LUZP2: variants seen among roughly 807,000 people sequenced by gnomAD.
LUZP2 encodes leucine zipper protein 2.
A neutral mutation model predicts 51.6 loss-of-function variants in LUZP2; 52 were observed. The observed-to-expected ratio is 1.01, with a 90% CI of 0.81 to 1.27. LUZP2 has a LOEUF of 1.27. LUZP2 is among the 50% of genes most tolerant of loss of function. The probability of loss-of-function intolerance (pLI) is 0.00; values close to 1 mark genes in which losing one functional copy is unlikely to be tolerated. For synonymous variants in LUZP2, 154 were observed against 137.3 expected (o/e 1.12, Z -0.85); for missense variants, 436 against 395.4 (o/e 1.10, Z -0.87).
intron 7 of LUZP2, among the ~76,000 whole-genome samples, chr11:24,970,753 A>G (rs1312361516): frequency 4.6e-5 from 7 of 152,146 alleles, no homozygotes; most frequent in South Asian, 2.1e-4. Context: ...ATCCTTTAGA[A>G]TCTAGCTCTA....
At chr11:24,963,367 G>C (rs1181706492) in intron 7 of LUZP2, among the ~76,000 whole-genome samples, 18 of 152,194 alleles carry the variant, frequency 1.2e-4, no homozygotes, top group Non-Finnish European at 2.5e-4. Context: ...TGCCCCCAGA[G>C]GTGGAGCCTA....
intron 1 of LUZP2, among the ~76,000 whole-genome samples, chr11:24,579,124 C>A (rs192013446): frequency 8.7e-4 from 132 of 152,088 alleles, no homozygotes; most frequent in African/African-American, 2.7e-3. Context: ...GATGCATATT[C>A]ATTAAATCAA....
chr11:24,600,175 ACACACACACACACAC>A (rs1853574819), intron 1 of LUZP2, among the ~76,000 whole-genome samples: 2 of 904 alleles, frequency 2.2e-3, no homozygotes, highest in Admixed American at 0.028. Context: ...GTAGATTACA[ACACACACACACACAC>A]ACACACACAC....
intron 5 of LUZP2, among the ~76,000 whole-genome samples, chr11:24,793,352 G>A (rs1335589627): frequency 6.6e-6 from 1 of 151,946 alleles, no homozygotes; most frequent in Non-Finnish European, 1.5e-5. Context: ...TAATCCCATG[G>A]GCCTGAATCT....
At chr11:24,698,044 G>A (rs1415525932) in intron 1 of LUZP2, among the ~76,000 whole-genome samples, 1 of 152,056 alleles carries the variant, frequency 6.6e-6, no homozygotes, top group African/African-American at 2.4e-5. Context: ...CTGCCAAATT[G>A]TCCTTAAAAA....
intron 9 of LUZP2, among the ~76,000 whole-genome samples, chr11:25,008,846 C>T (rs1856906454): frequency 6.6e-6 from 1 of 152,122 alleles, no homozygotes; most frequent in African/African-American, 2.4e-5. Flanking sequence ...GAAGTGTGTG[C>T]TGATTGGCCC....
rs574180606 is a variant in LUZP2 at position 24,851,484 on chromosome 11, G to T, written c.397-54507G>T. Reference sequence around the variant, plus strand: ...GATCGTAGTGGATAAGCTTTTTGATGTGCTACTGGATTCAGTTTGCCAGTA... The same window carrying T: ...GATCGTAGTGGATAAGCTTTTTGATTTGCTACTGGATTCAGTTTGCCAGTA... On this transcript the variant is annotated intron_variant, in intron 5 of 11. Coordinates refer to ENST00000336930, the MANE Select transcript of LUZP2 (RefSeq NM_001009909.4). Among the ~76,000 whole-genome samples the T allele has an allele frequency of 2.0e-5, 3 of 152,242 alleles. No individual in the cohort carries two copies. The East Asian group carries it at 5.8e-4, about 29-fold the overall frequency.
At chr11:24,984,783 C>A (rs555325422) in intron 9 of LUZP2, among the ~76,000 whole-genome samples, 6 of 150,994 alleles carry the variant, frequency 4.0e-5, no homozygotes, top group Non-Finnish European at 7.4e-5. Context: ...TTTATAAAAT[C>A]GAGATGCAGG....
intron 7 of LUZP2, among the ~76,000 whole-genome samples, chr11:24,926,842 T>A (rs1854290303): frequency 6.6e-6 from 1 of 151,804 alleles, no homozygotes; most frequent in African/African-American, 2.4e-5. Flanking sequence ...GTTGTAGTAG[T>A]TCAAATTCCC....
At chr11:24,667,068 C>T (rs1856236857) in intron 1 of LUZP2, among the ~76,000 whole-genome samples, 2 of 152,024 alleles carry the variant, frequency 1.3e-5, no homozygotes, top group Non-Finnish European at 2.9e-5. Flanking sequence ...AAAAACAGTA[C>T]AGTGATATAT....
At chr11:24,866,468 C>T (rs1486714) in intron 5 of LUZP2, among the ~76,000 whole-genome samples, 82,581 of 151,868 alleles carry the variant, frequency 0.54, 23,795 homozygotes, top group Middle Eastern at 0.67. Flanking sequence ...AAGTTTCTTT[C>T]AGAAACAAAA....
intron 5 of LUZP2, among the ~76,000 whole-genome samples, chr11:24,819,617 G>A (rs745971161): frequency 2.6e-5 from 4 of 151,878 alleles, no homozygotes; most frequent in African/African-American, 7.3e-5. Flanking sequence ...TAGTTTTCAC[G>A]TTTTATATTT....
intron 1 of LUZP2, among the ~76,000 whole-genome samples, chr11:24,578,347 C>G (rs1852728466): frequency 6.6e-6 from 1 of 151,930 alleles, no homozygotes; most frequent in Non-Finnish European, 1.5e-5. Flanking sequence ...TAATTTGCCA[C>G]TAGCAACAGT....
intron 5 of LUZP2, among the ~76,000 whole-genome samples, chr11:24,827,522 G>C (rs140005999): frequency 6.6e-6 from 1 of 152,162 alleles, no homozygotes; most frequent in East Asian, 1.9e-4. Flanking sequence ...ATAGCATACC[G>C]TGCTATTCTT....
intron 5 of LUZP2, among the ~76,000 whole-genome samples, chr11:24,813,523 C>T (rs753855678): frequency 1.3e-5 from 2 of 152,036 alleles, no homozygotes; most frequent in Non-Finnish European, 2.9e-5. Context: ...AAAAGGGAGT[C>T]AGGGGTGGTG....
At chr11:24,773,068 C>T (rs1027316903) in intron 5 of LUZP2, among the ~76,000 whole-genome samples, 1 of 127,330 alleles carries the variant, frequency 7.9e-6, no homozygotes, top group African/African-American at 2.8e-5. Context: ...GTATATTCCT[C>T]ATAAACAGTG....
intron 5 of LUZP2, among the ~76,000 whole-genome samples, chr11:24,868,788 T>A (rs2134261784): frequency 6.6e-6 from 1 of 152,248 alleles, no homozygotes; most frequent in East Asian, 1.9e-4. Context: ...TTTATACCTC[T>A]CTGCCTCCAA....
chr11:24,710,591 A>C (rs987390934), intron 1 of LUZP2, among the ~76,000 whole-genome samples: 3 of 152,090 alleles, frequency 2.0e-5, no homozygotes, highest in African/African-American at 7.2e-5. Flanking sequence ...GCTCTTCTGA[A>C]TTTTTCTACT....
chr11:24,663,157 G>C (rs1457735818), intron 1 of LUZP2, among the ~76,000 whole-genome samples: 1 of 152,078 alleles, frequency 6.6e-6, no homozygotes, highest in Non-Finnish European at 1.5e-5. Flanking sequence ...GTTTGGATTT[G>C]TGTCCCTGCC....
Sources: allele counts gnomAD v4.1 joint callset (sites outside exome capture counted in the v4.1 genomes callset), GRCh38; gene constraint gnomAD v4.1.1; transcripts MANE v1.5; gene names NCBI Gene and HGNC (gene_info 2026-07-23, HGNC 2026-07-21).